Variants in NRXN1 observed in about 807,000 individuals in gnomAD.
The protein encoded by NRXN1 is neurexin 1, also known as neurexin-1.
In NRXN1, 39 loss-of-function variants were observed where a neutral mutation model predicts 150.9. The observed-to-expected ratio is 0.26, with a 90% CI of 0.20 to 0.34. The LOEUF (loss-of-function observed/expected upper bound fraction) is 0.34, where lower values mean the gene tolerates loss of function less well. NRXN1 is among the 10% of genes least tolerant of loss of function. The probability of loss-of-function intolerance (pLI) is 1.00; values close to 1 mark genes in which losing one functional copy is unlikely to be tolerated. For missense variants in NRXN1, 1,815 were observed against 1,949.9 expected, an observed-to-expected ratio of 0.93 and a Z score of 1.30; for synonymous variants, 924 against 757.0, an observed-to-expected ratio of 1.22 and a Z score of -3.62.
chr2:50,977,851 T>C (rs147471152), intron 2 of NRXN1, among the ~76,000 whole-genome samples: 30 of 151,994 alleles, frequency 2.0e-4, no homozygotes, highest in African/African-American at 6.7e-4. Flanking sequence ...ATTCAAAAAA[T>C]GTTTAATCAT....
intron 5 of NRXN1, among the ~76,000 whole-genome samples, chr2:50,780,070 T>C (rs1232327567): frequency 1.3e-5 from 2 of 152,208 alleles, no homozygotes; most frequent in Non-Finnish European, 2.9e-5. Context: ...CTAACTGGCG[T>C]GAGATGGTAT....
chr2:50,357,745 A>T (rs1465906619), intron 17 of NRXN1, among the ~76,000 whole-genome samples: 1 of 152,216 alleles, frequency 6.6e-6, no homozygotes, highest in Non-Finnish European at 1.5e-5. Context: ...AGCCCAATTC[A>T]CAGTGGTTTG....
intron 9 of NRXN1, chr2:50,551,231 G>C (rs961449619): frequency 1.3e-5 from 2 of 152,120 alleles, no homozygotes; most frequent in African/African-American, 4.8e-5. Context: ...CAGAAACACA[G>C]TCTCCAATAT....
chr2:50,079,136 T>C (rs1047299711), intron 19 of NRXN1, among the ~76,000 whole-genome samples: 3 of 152,106 alleles, frequency 2.0e-5, no homozygotes, highest in Admixed American at 6.5e-5. Flanking sequence ...TATGGGTTCA[T>C]AGATGTTTAT....
intron 8 of NRXN1, among the ~76,000 whole-genome samples, chr2:50,576,812 T>C (rs1296151782): frequency 6.6e-6 from 1 of 152,088 alleles, no homozygotes; most frequent in East Asian, 1.9e-4. Flanking sequence ...GACCTCCCTT[T>C]TAACTTTCTC....
At chr2:50,196,115 T>C (rs1184050204) in intron 18 of NRXN1, among the ~76,000 whole-genome samples, 2 of 151,960 alleles carry the variant, frequency 1.3e-5, no homozygotes, top group Non-Finnish European at 2.9e-5. Context: ...TTCCTGATGG[T>C]CTCCCTACCC....
chr2:50,773,303 A>T (rs1466706687), intron 5 of NRXN1, among the ~76,000 whole-genome samples: 1 of 152,170 alleles, frequency 6.6e-6, no homozygotes, highest in Non-Finnish European at 1.5e-5. Context: ...CAGATCAGAC[A>T]TTCTGTTTTG....
chr2:50,541,592 G>C (rs1033160089), intron 9 of NRXN1, among the ~76,000 whole-genome samples: 1 of 152,082 alleles, frequency 6.6e-6, no homozygotes, highest in African/African-American at 2.4e-5. Flanking sequence ...TATGGACAGG[G>C]TAAGATTCTT....
At position 49,920,697 on chromosome 2, in the gene NRXN1, CGTGTGTGTGT is replaced by C. The variant is rs66612444; in HGVS notation, c.*1237_*1246del. ...CATATCTGATGGATTGCTGTGGATT[CGTGTGTGTGT>C]GTGTGTGTGTGTGTGTGTGTGTGTG... On this transcript the variant is annotated 3_prime_UTR_variant, in exon 23 of 23. Coordinates refer to ENST00000401669, the MANE Select transcript of NRXN1 (RefSeq NM_001330078.2). 28,349 of 142,764 alleles carry C rather than the reference CGTGTGTGTGT, an allele frequency of 0.2. 3,163 individuals carry two copies. The highest frequency in any genetic ancestry group is 0.27 in the Admixed American group (3,874 of 14,112). The allele number at this position is 142,764 out of a possible 1,614,324, so 8.8% of individuals were successfully genotyped here. A position where few individuals can be genotyped will look rare whatever the true frequency, so the allele number is the denominator to read the frequency against.
intron 8 of NRXN1, among the ~76,000 whole-genome samples, chr2:50,613,195 G>T (rs1678475362): frequency 6.6e-6 from 1 of 152,090 alleles, no homozygotes; most frequent in African/African-American, 2.4e-5. Flanking sequence ...AAAACATTAA[G>T]CCCATTTGCC....
At chr2:50,697,056 T>C (rs1398322706) in intron 5 of NRXN1, among the ~76,000 whole-genome samples, 3 of 152,078 alleles carry the variant, frequency 2.0e-5, no homozygotes, top group African/African-American at 7.2e-5. Flanking sequence ...CGTCCTACTG[T>C]ACCAGCAATA....
intron 17 of NRXN1, among the ~76,000 whole-genome samples, chr2:50,271,036 C>A (rs2069549337): frequency 6.6e-6 from 1 of 152,060 alleles, no homozygotes; most frequent in South Asian, 2.1e-4. Context: ...ATTATATGCA[C>A]AACTGCATAG....
At chr2:50,573,684 G>A (rs962652953) in intron 8 of NRXN1, among the ~76,000 whole-genome samples, 1 of 151,592 alleles carries the variant, frequency 6.6e-6, no homozygotes, top group African/African-American at 2.4e-5. Context: ...AATATGTGAT[G>A]GAGAATTTGA....
intron 5 of NRXN1, among the ~76,000 whole-genome samples, chr2:50,763,549 T>A (rs554201449): frequency 4.6e-5 from 7 of 152,076 alleles, no homozygotes; most frequent in African/African-American, 1.7e-4. Flanking sequence ...TAATAAATAC[T>A]TGACACATTG....
chr2:50,930,765 T>C (rs1472441854), intron 2 of NRXN1, among the ~76,000 whole-genome samples: 1 of 152,144 alleles, frequency 6.6e-6, no homozygotes, highest in African/African-American at 2.4e-5. Flanking sequence ...TTATTTTTTA[T>C]TGCTGAGAAA....
chr2:50,578,629 AATTTC>A lies in NRXN1; in HGVS notation c.1321-25609_1321-25605del, dbSNP rs1413112204. Among the ~76,000 whole-genome samples, 3 of 152,102 alleles carry A rather than the reference AATTTC, an allele frequency of 2.0e-5. No homozygotes were observed. In the East Asian group the frequency reaches 5.8e-4, roughly 29 times the overall value. On this transcript the variant is annotated intron_variant, in intron 8 of 22. Coordinates refer to ENST00000401669, the MANE Select transcript of NRXN1 (RefSeq NM_001330078.2). ...TGTGTAGCTGTGCATGTGTGTATTT[AATTTC>A]ATATCATTTTATCACATGTATAGGC...
intron 2 of NRXN1, among the ~76,000 whole-genome samples, chr2:50,936,135 A>G (rs1688511514): frequency 6.6e-6 from 1 of 152,164 alleles, no homozygotes; most frequent in Admixed American, 6.6e-5. Flanking sequence ...TGGAAAATAA[A>G]CTAAGTATTG....
intron 18 of NRXN1, among the ~76,000 whole-genome samples, chr2:50,223,826 C>T (rs1051359573): frequency 2.0e-5 from 3 of 152,028 alleles, no homozygotes; most frequent in African/African-American, 2.4e-5. Flanking sequence ...GACATTGAGG[C>T]TTTATGCATT....
chr2:50,959,564 G>A (rs1692816796), intron 2 of NRXN1, among the ~76,000 whole-genome samples: 1 of 152,006 alleles, frequency 6.6e-6, no homozygotes, highest in Admixed American at 6.6e-5. Context: ...AGAGCTATAA[G>A]TAGATGAATA....
Sources: gnomAD v4.1 joint callset for allele counts (sites outside exome capture counted in the v4.1 genomes callset) on GRCh38, gnomAD v4.1.1 for gene constraint, MANE v1.5 for transcripts, NCBI Gene and HGNC (gene_info 2026-07-23, HGNC 2026-07-21) for gene names.